The following KCNIP4 variants were observed in gnomAD, a reference collection of about 807,000 sequenced individuals.
KCNIP4 encodes the protein Kv channel-interacting protein 4.
Under a neutral mutation model 34.0 loss-of-function variants are expected in KCNIP4, and 12 were observed. The observed-to-expected ratio is 0.35, with a 90% CI of 0.23 to 0.57. KCNIP4 has a LOEUF of 0.57. KCNIP4 is among the 20% of genes least tolerant of loss of function. The pLI, the probability that KCNIP4 is intolerant of heterozygous loss-of-function variation, is 0.83. For synonymous variants in KCNIP4, 124 were observed against 102.2 expected (o/e 1.21, Z -1.29); for missense variants, 238 against 311.7 (o/e 0.76, Z 1.78).
intron 1 of KCNIP4, chr4:21,846,879 C>T (rs1724052218): frequency 6.6e-6 from 1 of 152,020 alleles, no homozygotes; most frequent in Non-Finnish European, 1.5e-5. Context: ...AGAAAGTAGC[C>T]AAGGAGAACA....
chr4:21,663,157 A>C (rs1175775437), intron 1 of KCNIP4, among the ~76,000 whole-genome samples: 1 of 152,180 alleles, frequency 6.6e-6, no homozygotes, highest in African/African-American at 2.4e-5. Flanking sequence ...CCTTATCGAT[A>C]ATGGTTTCTA....
At chr4:21,262,868 T>G (rs1761561109) in intron 1 of KCNIP4, among the ~76,000 whole-genome samples, 1 of 152,228 alleles carries the variant, frequency 6.6e-6, no homozygotes, top group Non-Finnish European at 1.5e-5. Context: ...CATTCAACTG[T>G]GAACAAACTG....
In KCNIP4 at chr4:20,796,949, T is replaced by G. The variant is rs1713557611; in HGVS notation, c.289-38059A>C. Among the ~76,000 whole-genome samples, 3 of 152,224 alleles carry G rather than the reference T, an allele frequency of 2.0e-5. No homozygotes were observed. The South Asian group carries it at 6.2e-4, about 31-fold the overall frequency. ...TACTTTCCATTTTCTCTTGAGTAAG[T>G]TATGAGATTACCTCTATTGCTCTAA... On this transcript the variant is annotated intron_variant, in intron 3 of 8. Coordinates refer to ENST00000382152, the MANE Select transcript of KCNIP4 (RefSeq NM_025221.6).
chr4:21,483,640 A>T (rs1731650206), intron 1 of KCNIP4, among the ~76,000 whole-genome samples: 1 of 151,988 alleles, frequency 6.6e-6, no homozygotes, highest in African/African-American at 2.4e-5. Context: ...ATAAAAAAAA[A>T]TTAGCCAGGT....
intron 1 of KCNIP4, among the ~76,000 whole-genome samples, chr4:21,237,889 A>T (rs1324366961): frequency 6.6e-6 from 1 of 152,228 alleles, no homozygotes; most frequent in Non-Finnish European, 1.5e-5. Flanking sequence ...TGAGGCCAGT[A>T]TCATCCTGAT....
intron 1 of KCNIP4, among the ~76,000 whole-genome samples, chr4:21,147,956 A>AAAAAAAAAAAAAAAAAAAAAAAAAAAAG (rs1553945843): frequency 1.3e-4 from 17 of 128,416 alleles, no homozygotes; most frequent in African/African-American, 3.7e-4. Context: ...AAAAAAAAAA[A>AAAAAAAAAAAAAAAAAAAAAAAAAAAAG]AAAAGAAAAA....
intron 1 of KCNIP4, among the ~76,000 whole-genome samples, chr4:21,126,289 C>A (rs907580253): frequency 2.6e-5 from 4 of 152,122 alleles, no homozygotes; most frequent in African/African-American, 9.7e-5. Flanking sequence ...TAAGTTCTCC[C>A]TGGCCTTATA....
At chr4:20,995,467 A>T (rs998603093) in intron 1 of KCNIP4, among the ~76,000 whole-genome samples, 1 of 152,188 alleles carries the variant, frequency 6.6e-6, no homozygotes, top group Non-Finnish European at 1.5e-5. Flanking sequence ...CCATTTGACC[A>T]ATAAACTGTG....
At chr4:21,252,911 T>A (rs1019453750) in intron 1 of KCNIP4, among the ~76,000 whole-genome samples, 2 of 152,098 alleles carry the variant, frequency 1.3e-5, no homozygotes, top group Non-Finnish European at 2.9e-5. Flanking sequence ...ACTTAACCTC[T>A]CAGCATTTCA....
At chr4:21,349,788 T>C (rs1717829408) in intron 1 of KCNIP4, among the ~76,000 whole-genome samples, 1 of 152,172 alleles carries the variant, frequency 6.6e-6, no homozygotes, top group African/African-American at 2.4e-5. Flanking sequence ...TGGAAGTAGC[T>C]AATATCACAG....
At chr4:21,173,810 G>A (rs1754193944) in intron 1 of KCNIP4, among the ~76,000 whole-genome samples, 1 of 152,156 alleles carries the variant, frequency 6.6e-6, no homozygotes, top group Non-Finnish European at 1.5e-5. Flanking sequence ...GGGAGAGAAA[G>A]TCACGTGCTT....
At chr4:21,495,689 C>G (rs1732792949) in intron 1 of KCNIP4, among the ~76,000 whole-genome samples, 1 of 151,930 alleles carries the variant, frequency 6.6e-6, no homozygotes, top group South Asian at 2.1e-4. Flanking sequence ...TCCACGAGTT[C>G]CAGTTTTGTT....
intron 1 of KCNIP4, among the ~76,000 whole-genome samples, chr4:21,305,439 G>C (rs1041031099): frequency 2.6e-5 from 4 of 152,222 alleles, no homozygotes; most frequent in Admixed American, 6.5e-5. Context: ...TTAGAAAAGA[G>C]TGAGTGCTCA....
chr4:21,348,546 C>G (rs1025242172), intron 1 of KCNIP4, among the ~76,000 whole-genome samples: 2 of 152,146 alleles, frequency 1.3e-5, no homozygotes, highest in African/African-American at 2.4e-5. Context: ...ACAGTCTCCC[C>G]CTGAAGACAA....
intron 1 of KCNIP4, among the ~76,000 whole-genome samples, chr4:21,510,493 G>C (rs899112003): frequency 6.6e-6 from 1 of 151,940 alleles, no homozygotes; most frequent in Admixed American, 6.6e-5. Context: ...TTAGACAGTG[G>C]GTGTTTTTTT....
intron 1 of KCNIP4, among the ~76,000 whole-genome samples, chr4:21,240,121 A>T (rs1179788454): frequency 2.0e-5 from 3 of 150,742 alleles, no homozygotes; most frequent in Admixed American, 6.6e-5. Context: ...AACTATCGCA[A>T]AGACAAAAAA....
intron 3 of KCNIP4, among the ~76,000 whole-genome samples, chr4:20,829,538 C>T (rs1718168780): frequency 6.6e-6 from 1 of 152,102 alleles, no homozygotes; most frequent in Non-Finnish European, 1.5e-5. Flanking sequence ...ATTCTGCCTT[C>T]TTTGCTTTCA....
intron 1 of KCNIP4, among the ~76,000 whole-genome samples, chr4:20,914,419 C>G (rs1423613258): frequency 6.6e-6 from 1 of 152,034 alleles, no homozygotes; most frequent in East Asian, 1.9e-4. Flanking sequence ...CTCCCGCATC[C>G]CTTTTGCATG....
At chr4:21,054,989 T>C (rs1577606935) in intron 1 of KCNIP4, among the ~76,000 whole-genome samples, 1 of 152,084 alleles carries the variant, frequency 6.6e-6, no homozygotes, top group African/African-American at 2.4e-5. Context: ...CATCATACAC[T>C]GCAAGAAAAT....
Sources: allele counts gnomAD v4.1 joint callset (sites outside exome capture counted in the v4.1 genomes callset), GRCh38; gene constraint gnomAD v4.1.1; transcripts MANE v1.5; gene names NCBI Gene and HGNC (gene_info 2026-07-23, HGNC 2026-07-21).